Variants in TRPM5 observed in about 807,000 individuals in gnomAD.
TRPM5 encodes MLSN1 and TRP-related.
In TRPM5, 121 loss-of-function variants were observed where a neutral mutation model predicts 124.9. The observed-to-expected ratio is 0.97, with a 90% CI of 0.84 to 1.13. The LOEUF is 1.13. Ranked by LOEUF, TRPM5 falls within the 50% of genes most tolerant of loss-of-function variation. The pLI is 0.00. For missense variants in TRPM5, 1,643 were observed against 1,589.1 expected, an observed-to-expected ratio of 1.03 and a Z score of -0.58; for synonymous variants, 781 against 700.5, an observed-to-expected ratio of 1.11 and a Z score of -1.81.
chr11:2,439,385 C>A, the TRPM5 span, among the ~76,000 whole-genome samples: 3 of 152,152 alleles, frequency 2.0e-5, no homozygotes, highest in African/African-American at 7.2e-5. Flanking sequence ...ACAGAGTAAA[C>A]AGACAACCTA....
At chr11:2,440,729 G>A in the TRPM5 span, among the ~76,000 whole-genome samples, 8 of 152,224 alleles carry the variant, frequency 5.3e-5, no homozygotes, top group African/African-American at 1.9e-4. The surrounding 1 kb of genome is among the most constrained non-coding windows in gnomAD (Gnocchi z 5.2). Flanking sequence ...CTCAGCCGGT[G>A]CTCTGCGAGG....
At chr11:2,411,569 C>T (rs537139231) in intron 17 of TRPM5, 43 bp from the exon 23 acceptor site, 28 of 1,608,126 alleles carry the variant, frequency 1.7e-5, no homozygotes, top group African/African-American at 1.5e-4. Flanking sequence ...AGCGGCCAGC[C>T]GGGTGGGGCC....
chr11:2,420,726 GGCCTCCCTCGGTAGT>G (rs1433691475), intron 3 of TRPM5, among the ~76,000 whole-genome samples: 1 of 152,230 alleles, frequency 6.6e-6, no homozygotes, highest in Non-Finnish European at 1.5e-5. Context: ...GGGCTGCCCG[GGCCTCCCTCGGTAGT>G]GCCTTAGACA....
At chr11:2,419,622 C>CAAAAAAA (rs3986606) in intron 4 of TRPM5, among the ~76,000 whole-genome samples, 1 of 126,918 alleles carries the variant, frequency 7.9e-6, no homozygotes, top group African/African-American at 2.8e-5. Flanking sequence ...GATTCTGCCT[C>CAAAAAAA]AAAAAAAAAA....
intron 23 of TRPM5, 67 bp downstream of exon 28, chr11:2,405,460 G>GT: frequency 6.8e-7 from 1 of 1,481,076 alleles, no homozygotes; most frequent in Non-Finnish European, 9.2e-7. Flanking sequence ...ACAGCCTACG[G>GT]CCCCCCAGCC....
chr11:2,413,095 G>T (rs372892008), intron 14 of TRPM5, 39 bp downstream of exon 19: 5 of 1,547,550 alleles, frequency 3.2e-6, no homozygotes, highest in Non-Finnish European at 3.5e-6. Context: ...GCCACCACCC[G>T]CCAGTCCCCT....
In TRPM5 at chr11:2,411,344, G is replaced by A; in HGVS notation, c.2782+8C>T. Reference sequence around the variant, plus strand: ...CCCTGCCCCTGCCCCCGCTGGCTGTGTGCAAACCATCAATCTCGTCCAGTG... The same window carrying A: ...CCCTGCCCCTGCCCCCGCTGGCTGTATGCAAACCATCAATCTCGTCCAGTG... On this transcript the variant is annotated splice_region_variant and intron_variant, in intron 18 of 23. Coordinates refer to ENST00000155858, the Ensembl canonical transcript of TRPM5. 2.5e-6 allele frequency: 4 copies of A among 1,584,268 alleles called. No individual in the cohort carries two copies. Among genetic ancestry groups the A allele is most frequent in the African/African-American group, 1.3e-5 (1 of 74,432 alleles).
At chr11:2,409,312 G>A (rs151204129) in intron 18 of TRPM5, among the ~76,000 whole-genome samples, 87 of 152,272 alleles carry the variant, frequency 5.7e-4, no homozygotes, top group East Asian at 3.9e-3. Context: ...CTGGAGGAGC[G>A]GGCCGGGGCC....
exon 9 of TRPM5, chr11:2,415,393 C>G (rs773031742): frequency 6.3e-7 from 1 of 1,592,256 alleles, no homozygotes; most frequent in Non-Finnish European, 8.5e-7. Flanking sequence ...ACGTCTGCGC[C>G]GTTGTCCACA....
At chr11:2,418,220 TCTC>T in exon 6 of TRPM5, 1 of 1,586,062 alleles carries the variant, frequency 6.3e-7, no homozygotes, top group Non-Finnish European at 8.6e-7. Context: ...CTGGGGAACT[TCTC>T]CTTAAACTGC....
chr11:2,412,701 GC>G, intron 15 of TRPM5, 52 bp downstream of exon 20: 1 of 1,511,838 alleles, frequency 6.6e-7, no homozygotes, highest in Admixed American at 2.2e-5. Context: ...AGCTTAGGTT[GC>G]CCAACCTGAA....
exon 10 of TRPM5, chr11:2,414,972 G>T (rs200324082): frequency 1.9e-6 from 3 of 1,607,534 alleles, no homozygotes; most frequent in Non-Finnish European, 2.5e-6. Flanking sequence ...AACAGGTCCC[G>T]CCAGGGGTTC....
chr11:2,405,137 G>T, intron 23 of TRPM5, 94 bp from the exon 29 acceptor site: 1 of 1,062,708 alleles, frequency 9.4e-7, no homozygotes, highest in South Asian at 1.4e-5. Flanking sequence ...GGGCCAGGAC[G>T]CCGTGGCTCT....
chr11:2,431,001 G>A, the TRPM5 span, among the ~76,000 whole-genome samples: 7 of 152,118 alleles, frequency 4.6e-5, no homozygotes, highest in African/African-American at 1.7e-4. Flanking sequence ...GGTAATAGTG[G>A]TTATGGTAGC....
the TRPM5 span, among the ~76,000 whole-genome samples, chr11:2,440,369 G>T: frequency 7.2e-5 from 11 of 152,130 alleles, no homozygotes; most frequent in Non-Finnish European, 5.9e-5. This position sits in a 1 kb window ranked among gnomAD's most constrained non-coding sequence, Gnocchi z 5.2. Context: ...ACAGATGTAG[G>T]GCATCATATC....
chr11:2,415,543 G>A (rs1845653273), intron 8 of TRPM5, 72 bp from the exon 14 acceptor site: 1 of 1,073,664 alleles, frequency 9.3e-7, no homozygotes, highest in Non-Finnish European at 1.3e-6. Flanking sequence ...GGGGTCCAAG[G>A]AAGGAGAGAG....
At chr11:2,414,021 C>T in intron 12 of TRPM5, 40 bp downstream of exon 17, 3 of 1,526,808 alleles carry the variant, frequency 2.0e-6, no homozygotes, top group African/African-American at 2.8e-5. Context: ...CCGCCCACCC[C>T]ACCCCCTGGC....
At chr11:2,436,189 G>C in the TRPM5 span, among the ~76,000 whole-genome samples, 1 of 152,172 alleles carries the variant, frequency 6.6e-6, no homozygotes, top group African/African-American at 2.4e-5. Flanking sequence ...TCAGCTCCTG[G>C]CCCCATTGCC....
intron 18 of TRPM5, among the ~76,000 whole-genome samples, chr11:2,408,507 G>A (rs996664306): frequency 2.6e-5 from 4 of 152,182 alleles, no homozygotes; most frequent in Non-Finnish European, 4.4e-5. Context: ...CACCGATCCC[G>A]CACTGGGCCA....
Sources: gnomAD v4.1 joint callset for allele counts (sites outside exome capture counted in the v4.1 genomes callset) on GRCh38, gnomAD v4.1.1 for gene constraint, Gnocchi (gnomAD v3.1) non-coding constraint, MANE v1.5 for transcripts, NCBI Gene and HGNC (gene_info 2026-07-23, HGNC 2026-07-21) for gene names.